VCPKMT: variants seen among roughly 807,000 people sequenced by gnomAD.
VCPKMT encodes the protein protein N-lysine methyltransferase METTL21D.
VCPKMT carries 32 observed loss-of-function variants against 28.6 expected under a neutral mutation model. The observed-to-expected ratio is 1.12, with a 90% CI of 0.84 to 1.50. The LOEUF (loss-of-function observed/expected upper bound fraction) is 1.50, where lower values mean the gene tolerates loss of function less well. Ranked by LOEUF, VCPKMT falls within the 40% of genes most tolerant of loss-of-function variation. VCPKMT has a pLI of 0.00. For synonymous variants in VCPKMT, 138 were observed against 111.4 expected (o/e 1.24, Z -1.50); for missense variants, 366 against 285.0 (o/e 1.28, Z -2.05).
At chr14:50,112,395 GAAAAAAA>G (rs59968443) in intron 5 of VCPKMT, among the ~76,000 whole-genome samples, 1 of 11,998 alleles carries the variant, frequency 8.3e-5, no homozygotes, top group African/African-American at 3.7e-4. Context: ...AAAAATACGA[GAAAAAAA>G]AAAAAAAAAA....
intron 3 of VCPKMT, among the ~76,000 whole-genome samples, chr14:50,114,651 T>C (rs1317981484): frequency 6.6e-6 from 1 of 152,130 alleles, no homozygotes; most frequent in Admixed American, 6.5e-5. Flanking sequence ...GCCTGGAGAA[T>C]ACAGCGAGAG....
At chr14:50,115,145 GTTTTTTTTTTTTT>G (rs745531021) in intron 3 of VCPKMT, among the ~76,000 whole-genome samples, 13 of 90,374 alleles carry the variant, frequency 1.4e-4, no homozygotes, top group Non-Finnish European at 2.2e-4. Flanking sequence ...ACAAACTGAT[GTTTTTTTTTTTTT>G]TTTTTTTTTT....
chr14:50,111,183 G>A (rs201147019), intron 5 of VCPKMT: 4 of 971,130 alleles, frequency 4.1e-6, no homozygotes, highest in Middle Eastern at 5.3e-4. Flanking sequence ...TTTTTTGGCC[G>A]AAAAAAAAAA....
rs557398369 is a variant in VCPKMT at position 50,114,467 on chromosome 14, T to A, written c.451-63A>T. 27 of 1,226,196 alleles carry A rather than the reference T, an allele frequency of 2.2e-5. 1 individual carries two copies. In the East Asian group the frequency reaches 6.1e-4, roughly 28 times the overall value. 76.0% of individuals were successfully genotyped at this position (1,226,196 alleles called of 1,614,324 possible). On this transcript the variant is annotated intron_variant, in intron 3 of 5. Transcript: ENST00000395860. ...AAAATTTTTCTACTCTAAAAGTAGG[T>A]TGAGGAGGTACAGGGGTATTTATAG...
rs1883205581 is a variant in VCPKMT at position 50,116,312 on chromosome 14, C to T, written c.241G>A (p.Val81Met). ...CCGAGGGTAGCAGCCATGAGCCCCA[C>T]GGCCCCGGTGCCCGAACCCAGCTCC... is the stretch of plus-strand genomic sequence containing the variant. The part of the protein sequence containing the change: ...VLELGSGTGA[V>M]GLMAATLGAD... The change falls in exon 1 of 6, where the codon GTG becomes ATG. Residue 81 changes from valine to methionine, a missense_variant. Transcript: ENST00000395860. 1.2e-6 allele frequency: 2 copies of T among 1,607,704 alleles called. No homozygotes were observed. Among genetic ancestry groups the T allele is most frequent in the Non-Finnish European group, 1.7e-6 (2 of 1,177,224 alleles).
At chr14:50,115,808 A>C in intron 3 of VCPKMT, 31 bp downstream of exon 3, 4 of 1,579,124 alleles carry the variant, frequency 2.5e-6, no homozygotes, top group Non-Finnish European at 3.5e-6. Context: ...TCATCTTCTA[A>C]GTGAAGAGAC....
At chr14:50,111,202 CTA>C (rs1882633335) in intron 5 of VCPKMT, 15 of 979,748 alleles carry the variant, frequency 1.5e-5, no homozygotes, top group Non-Finnish European at 1.8e-5. Context: ...AAAAAAGCCT[CTA>C]TATTTAGGAA....
chr14:50,111,710 T>TCAA, intron 5 of VCPKMT: 2 of 736,130 alleles, frequency 2.7e-6, no homozygotes, highest in Non-Finnish European at 3.3e-6. Flanking sequence ...AAACCCTGTC[T>TCAA]CAACAACAAC....
At chr14:50,106,143 G>C (rs1882312119), downstream of VCPKMT, among the ~76,000 whole-genome samples, 1 of 152,188 alleles carries the variant, frequency 6.6e-6, no homozygotes, top group African/African-American at 2.4e-5. Flanking sequence ...CAAACATTAA[G>C]ACCATCTGGA....
intron 3 of VCPKMT, 104 bp from the exon 4 acceptor site, chr14:50,114,508 T>C (rs1263018666): frequency 3.8e-6 from 3 of 782,482 alleles, no homozygotes; most frequent in African/African-American, 3.6e-5. Flanking sequence ...CTACAATTTA[T>C]CCATCTTTGA....
At chr14:50,106,640 T>A, downstream of VCPKMT, 1 of 985,354 alleles carries the variant, frequency 1.0e-6, no homozygotes, top group Non-Finnish European at 1.2e-6. Flanking sequence ...TAAACACAAA[T>A]CCAGCCAGAA....
intron 4 of VCPKMT, among the ~76,000 whole-genome samples, chr14:50,113,801 G>GC (rs1374469908): frequency 1.1e-5 from 1 of 91,810 alleles, no homozygotes; most frequent in African/African-American, 4.0e-5. Flanking sequence ...GGGCGGGGGG[G>GC]GGGGGGGGTG....
intron 4 of VCPKMT, 146 bp downstream of exon 4, chr14:50,114,139 A>C (rs1882926996): frequency 7.2e-6 from 5 of 696,422 alleles, no homozygotes; most frequent in Non-Finnish European, 1.1e-5. Flanking sequence ...AGCTTCGTAG[A>C]ATCATGGGCT....
At position 50,115,922 on chromosome 14, in the gene VCPKMT, C is replaced by G; in HGVS notation, c.378-11G>C. The stretch of plus-strand genomic sequence containing the variant: ...TCTATTTCTTCCCCCCTTAAAAATG[C>G]CAAACAAATATTTCAATTGTTTTAA... On this transcript the variant is annotated splice_polypyrimidine_tract_variant and intron_variant, in intron 2 of 5. Transcript: ENST00000395860. 2 of 1,612,822 alleles carry G rather than the reference C, an allele frequency of 1.2e-6. No homozygotes were observed. Among genetic ancestry groups the G allele is most frequent in the Non-Finnish European group, 1.7e-6 (2 of 1,179,068 alleles).
intron 3 of VCPKMT, among the ~76,000 whole-genome samples, chr14:50,114,988 T>C (rs980496546): frequency 3.9e-5 from 6 of 152,176 alleles, no homozygotes; most frequent in Admixed American, 3.9e-4. Flanking sequence ...GGGAAACAAA[T>C]GGAATCAACC....
At chr14:50,106,838 TC>T, downstream of VCPKMT, among the ~76,000 whole-genome samples, 1 of 152,106 alleles carries the variant, frequency 6.6e-6, no homozygotes, top group South Asian at 2.1e-4. Flanking sequence ...CACATCAGCC[TC>T]CCTAGTATGG....
At chr14:50,111,977 T>C (rs1882691157) in intron 5 of VCPKMT, 2 of 985,162 alleles carry the variant, frequency 2.0e-6, no homozygotes, top group Admixed American at 6.1e-5. Context: ...TAAAATGTGA[T>C]TGTTATACAG....
downstream of VCPKMT, among the ~76,000 whole-genome samples, chr14:50,105,600 C>T (rs1248187998): frequency 2.6e-5 from 4 of 152,206 alleles, no homozygotes; most frequent in African/African-American, 9.7e-5. Context: ...CATTGCACTC[C>T]AGCCTGGGTG....
downstream of VCPKMT, among the ~76,000 whole-genome samples, chr14:50,107,633 C>T (rs1882377031): frequency 6.6e-6 from 1 of 152,118 alleles, no homozygotes; most frequent in Non-Finnish European, 1.5e-5. Flanking sequence ...CCTCTACAGT[C>T]AGTACTTAGG....
Sources: gnomAD v4.1 joint callset for allele counts (sites outside exome capture counted in the v4.1 genomes callset) on GRCh38, gnomAD v4.1.1 for gene constraint, MANE v1.5 for transcripts, NCBI Gene and HGNC (gene_info 2026-07-23, HGNC 2026-07-21) for gene names.